DPP8: variants seen among roughly 807,000 people sequenced by gnomAD.
DPP8 encodes dipeptidyl peptidase 8.
In DPP8, 31 loss-of-function variants were observed where a neutral mutation model predicts 107.5. The ratio of observed to expected loss-of-function variants is 0.29; its 90% confidence interval spans 0.22 to 0.39. The LOEUF is 0.39. Among genes scored for constraint, DPP8 ranks in the 10% least tolerant of loss-of-function variants. The pLI is 1.00. For missense variants in DPP8, 842 were observed against 1,076.1 expected (o/e 0.78, Z 3.04); for synonymous variants, 381 against 356.6 (o/e 1.07, Z -0.77).
Position 65,444,609 on chromosome 15 carries a change from G to T in DPP8, c.*2275C>A, listed in dbSNP as rs2063423592. On this transcript the variant is annotated 3_prime_UTR_variant, in exon 20 of 20. Transcript: ENST00000300141. ...CATTCAGGTATTTTTTCCTGCTAAAGAAGCAGAATGGCATTTAAGTGACTG... is the reference window on the plus strand; with the variant it reads ...CATTCAGGTATTTTTTCCTGCTAAATAAGCAGAATGGCATTTAAGTGACTG... The T allele has an allele frequency of 6.6e-6, 1 of 152,182 alleles. No individual in the cohort carries two copies. Among genetic ancestry groups the T allele is most frequent in the African/African-American group, 2.4e-5 (1 of 41,454 alleles). The allele number at this position is 152,182 out of a possible 1,614,324, so 9.4% of individuals were successfully genotyped here.
intron 7 of DPP8, among the ~76,000 whole-genome samples, chr15:65,486,454 C>T (rs771054246): frequency 1.7e-4 from 26 of 151,864 alleles, no homozygotes; most frequent in Non-Finnish European, 2.8e-4. Context: ...ACTCAGGAGG[C>T]TGAGGTGGGA....
rs183896788 is a variant in DPP8 at position 65,479,573 on chromosome 15, G to A, written c.1297-534C>T. Among the ~76,000 whole-genome samples the A allele has an allele frequency of 1.2e-4, 19 of 152,158 alleles. No homozygotes were observed. In the East Asian group the frequency reaches 2.7e-3, roughly 22 times the overall value. On this transcript the variant is annotated intron_variant, in intron 10 of 19. Transcript: ENST00000300141. ...AAGAATTGGTATATTGGCCGGGTGCGGTGGCTCACGCCTGTAATCCCAGCA... is the reference window on the plus strand; with the variant it reads ...AAGAATTGGTATATTGGCCGGGTGCAGTGGCTCACGCCTGTAATCCCAGCA...
intron 5 of DPP8, among the ~76,000 whole-genome samples, chr15:65,495,399 T>A (rs1377628350): frequency 6.6e-6 from 1 of 151,544 alleles, no homozygotes; most frequent in Non-Finnish European, 1.5e-5. Context: ...AGGTCAGGAG[T>A]TCAACACCAG....
intron 9 of DPP8, among the ~76,000 whole-genome samples, chr15:65,481,230 C>T (rs1245437025): frequency 2.0e-5 from 3 of 152,186 alleles, no homozygotes; most frequent in Non-Finnish European, 2.9e-5. Context: ...AAAAAATACA[C>T]ATTTATGTCT....
intron 15 of DPP8, among the ~76,000 whole-genome samples, chr15:65,456,954 C>G (rs2064477765): frequency 6.6e-6 from 1 of 152,204 alleles, no homozygotes; most frequent in Non-Finnish European, 1.5e-5. Context: ...GAATGCTTTT[C>G]TCTCACATCT....
chr15:65,464,143 C>A (rs1036384934), intron 14 of DPP8, among the ~76,000 whole-genome samples: 2 of 151,864 alleles, frequency 1.3e-5, no homozygotes, highest in South Asian at 2.1e-4. Context: ...GCAGGTGGAT[C>A]ACAAGGTCAG....
chr15:65,452,800 C>T (rs1444511850), intron 17 of DPP8, among the ~76,000 whole-genome samples: 2 of 151,964 alleles, frequency 1.3e-5, no homozygotes, highest in East Asian at 3.9e-4. Context: ...GGTGAAATCT[C>T]GTCTCTACTA....
rs2063368700 is a variant in DPP8, at chr15:65,443,397, T to C, written c.*3487A>G. ...TGATTCCATCTTGAAAAATGCATGA[T>C]TTAATAATGAGAAATCTTATAGGAA... On this transcript the variant is annotated 3_prime_UTR_variant, in exon 20 of 20. Transcript: ENST00000300141. The C allele has an allele frequency of 1.3e-5, 2 of 152,000 alleles. No homozygotes were observed. The highest frequency in any genetic ancestry group is 4.2e-4 in the South Asian group (2 of 4,808). 9.4% of individuals were successfully genotyped at this position (152,000 alleles called of 1,614,324 possible).
At chr15:65,507,974 A>G (rs943584812) in intron 2 of DPP8, among the ~76,000 whole-genome samples, 1 of 151,882 alleles carries the variant, frequency 6.6e-6, no homozygotes, top group East Asian at 1.9e-4. Context: ...GTGGTGGCTC[A>G]TGCTTGTAGT....
rs1479878751 is a variant in DPP8, at chr15:65,512,708, A to G, written c.-11-144T>C. On this transcript the variant is annotated intron_variant, in intron 1 of 19. Coordinates refer to ENST00000300141, the MANE Select transcript of DPP8 (RefSeq NM_130434.5). ...AGCACAGCTGCAATGAAACTTAGTAAGAAAAGCAACAGCTCTCCCTTCTCT... is the reference window on the plus strand; with the variant it reads ...AGCACAGCTGCAATGAAACTTAGTAGGAAAAGCAACAGCTCTCCCTTCTCT... 4 of 762,556 alleles carry G rather than the reference A, an allele frequency of 5.2e-6. No homozygotes were observed. The Admixed American group carries it at 8.5e-5, about 16-fold the overall frequency. 47.2% of individuals were successfully genotyped at this position (762,556 alleles called of 1,614,324 possible). A position where few individuals can be genotyped will look rare whatever the true frequency, so the allele number is the denominator to read the frequency against.
At position 65,479,003 on chromosome 15, in the gene DPP8, C is replaced by T. The variant is rs771100898; in HGVS notation, c.1333G>A (p.Glu445Lys). ...GCAAAAATAAACTCAATTTCCTCTT[C>T]GTGACTTTGGGGAAAAACATGAAAG... ...DIFHVFPQSH[E>K]EEIEFIFASE... The change falls in exon 11 of 20, where the codon GAA becomes AAA. Residue 445 changes from glutamate to lysine, a missense_variant. By Grantham distance (56) the Glu-to-Lys change is moderately conservative (BLOSUM62 1). Transcript: ENST00000300141. 5.7e-6 allele frequency: 9 copies of T among 1,586,128 alleles called. No homozygotes were observed. The East Asian group carries it at 6.9e-5, about 12-fold the overall frequency.
intron 18 of DPP8, 70 bp from the exon 19 acceptor site, chr15:65,451,180 T>A (rs2063948013): frequency 1.2e-6 from 1 of 865,770 alleles, no homozygotes; most frequent in South Asian, 1.4e-5. Context: ...TTCACTTATT[T>A]AATCATACTT....
chr15:65,500,020 T>C (rs1219950591), intron 4 of DPP8, among the ~76,000 whole-genome samples: 1 of 152,196 alleles, frequency 6.6e-6, no homozygotes. Context: ...CTCAGACTCC[T>C]GAGTATCTGG....
At position 65,448,694 on chromosome 15, in the gene DPP8, T is replaced by A. The variant is rs1368509891; in HGVS notation, c.2527-1688A>T. Among the ~76,000 whole-genome samples, 93 of 126,168 alleles carry A rather than the reference T, an allele frequency of 7.4e-4. 1 individual carries two copies. The highest frequency in any genetic ancestry group is 9.3e-4 in the African/African-American group (31 of 33,356). The allele number at this position is 126,168 out of a possible 152,430, so 82.8% of individuals were successfully genotyped here. ...CTCAAAAAAAAAAAAAAAAAAAATATATATATATATAAAATGTACATATAT... is the reference window on the plus strand; with the variant it reads ...CTCAAAAAAAAAAAAAAAAAAAATAAATATATATATAAAATGTACATATAT... On this transcript the variant is annotated intron_variant, in intron 19 of 19. Transcript: ENST00000300141.
At chr15:65,474,324 AC>A in intron 11 of DPP8, 36 bp from the exon 12 acceptor site, 1 of 1,414,252 alleles carries the variant, frequency 7.1e-7, no homozygotes, top group Non-Finnish European at 1.0e-6. Flanking sequence ...AGTACATTAT[AC>A]CAGACTATAA....
chr15:65,501,913 A>G (rs974614818), intron 3 of DPP8, among the ~76,000 whole-genome samples: 11 of 152,124 alleles, frequency 7.2e-5, no homozygotes, highest in African/African-American at 2.7e-4. Context: ...CTTTGAGACA[A>G]AACTCTCACT....
intron 12 of DPP8, among the ~76,000 whole-genome samples, chr15:65,473,995 T>G (rs1246747041): frequency 6.6e-6 from 1 of 152,046 alleles, no homozygotes; most frequent in Non-Finnish European, 1.5e-5. Context: ...TCCCAGCTAC[T>G]TGGGAGGCAG....
chr15:65,459,215 T>C (rs1377620557), intron 15 of DPP8, among the ~76,000 whole-genome samples: 1 of 151,832 alleles, frequency 6.6e-6, no homozygotes, highest in Non-Finnish European at 1.5e-5. Context: ...CTCACTCTCT[T>C]GTCCAGGCTG....
rs763584490 is a variant in DPP8, at chr15:65,466,816, A to G, written c.1690-3T>C. ...TTACTTATAAAGAAGTCACAGTGCT[A>G]GAGAAAGGAGAAACAATTATATTTT... On this transcript the variant is annotated splice_polypyrimidine_tract_variant and splice_region_variant and intron_variant, in intron 13 of 19. Transcript: ENST00000300141. 1 of 1,607,528 alleles carries G rather than the reference A, an allele frequency of 6.2e-7. No individual in the cohort carries two copies. The highest frequency in any genetic ancestry group is 1.7e-5 in the Admixed American group (1 of 57,684).
Sources: allele counts gnomAD v4.1 joint callset (sites outside exome capture counted in the v4.1 genomes callset), GRCh38; gene constraint gnomAD v4.1.1; transcripts MANE v1.5; gene names NCBI Gene and HGNC (gene_info 2026-07-23, HGNC 2026-07-21).